Variants in ACR observed in about 807,000 individuals in gnomAD.
ACR encodes the protein acrosin light and heavy chain prepropeptide.
ACR carries 17 observed loss-of-function variants against 26.0 expected under a neutral mutation model. That is an observed-to-expected ratio of 0.65 (90% CI 0.45 to 0.98). ACR has a LOEUF of 0.98. Among genes scored for constraint, ACR ranks in the 50% least tolerant of loss-of-function variants. The pLI is 0.00. For synonymous variants in ACR, 199 were observed against 207.7 expected, an observed-to-expected ratio of 0.96 and a Z score of 0.36; for missense variants, 435 against 519.3, an observed-to-expected ratio of 0.84 and a Z score of 1.58.
intron 3 of ACR, among the ~76,000 whole-genome samples, chr22:50,743,212 T>C (rs542768239): frequency 5.8e-4 from 88 of 151,744 alleles, no homozygotes; most frequent in African/African-American, 2.1e-3. Flanking sequence ...ATTTTTTGTA[T>C]TTTTAGTAGA....
At chr22:50,740,084 C>A in intron 3 of ACR, 107 bp downstream of exon 3, 1 of 1,402,644 alleles carries the variant, frequency 7.1e-7, no homozygotes, top group Non-Finnish European at 9.9e-7. Context: ...CTTTCATCCT[C>A]CTCACGGCGC....
Position 50,738,317 on chromosome 22 carries a change from G to C in ACR, c.77+5G>C. ...TAAAGATAACGCCACGTGTGAGTAA[G>C]TGTCGGGGCACCTTGGTGGGGGAAG... On this transcript the variant is annotated splice_donor_5th_base_variant and intron_variant, in intron 1 of 4. Transcript: ENST00000216139. 3 of 1,613,730 alleles carry C rather than the reference G, an allele frequency of 1.9e-6. No individual in the cohort carries two copies. Among genetic ancestry groups the C allele is most frequent in the Non-Finnish European group, 2.5e-6 (3 of 1,179,850 alleles).
intron 3 of ACR, 94 bp downstream of exon 3, chr22:50,740,071 C>A: frequency 6.6e-7 from 1 of 1,517,778 alleles, no homozygotes; most frequent in Non-Finnish European, 9.1e-7. Flanking sequence ...CCCAGCCAGG[C>A]TGCTTTCATC....
Position 50,739,124 on chromosome 22 carries a change from A to C in ACR, c.78-147A>C, listed in dbSNP as rs2083412067. 3 of 683,438 alleles carry C rather than the reference A, an allele frequency of 4.4e-6. No homozygotes were observed. The highest frequency in any genetic ancestry group is 7.5e-6 in the Non-Finnish European group (3 of 399,442). The allele number at this position is 683,438 out of a possible 1,614,324, so 42.3% of individuals were successfully genotyped here. ...TTTCCTAGAGCCTGCGGCTTCCTACATAGCGCAGGCTGCCCCTGCTTTCCC... is the reference window on the plus strand; with the variant it reads ...TTTCCTAGAGCCTGCGGCTTCCTACCTAGCGCAGGCTGCCCCTGCTTTCCC... On this transcript the variant is annotated intron_variant, in intron 1 of 4. Coordinates refer to ENST00000216139, the MANE Select transcript of ACR (RefSeq NM_001097.3). This position sits in a 1 kb window ranked among gnomAD's most constrained non-coding sequence, Gnocchi z 5.5.
chr22:50,744,100 A>C lies in ACR; in HGVS notation c.605A>C (p.Asp202Ala), dbSNP rs1431653573. The C allele has an allele frequency of 1.2e-6, 2 of 1,613,666 alleles. No homozygotes were observed. Among genetic ancestry groups the C allele is most frequent in the Non-Finnish European group, 1.7e-6 (2 of 1,179,812 alleles). The change falls in exon 4 of 5, where the codon GAT becomes GCT. Residue 202 changes from aspartate (D) to alanine (A), a missense_variant. By Grantham distance (126) the Asp-to-Ala change is moderately radical. This residue lies in a region of ACR where 314 missense variants were observed against 372.0 expected (regional missense o/e 0.84). Transcript: ENST00000216139. ...TCTATACTGATGGAGGCACGTGTGG[A>C]TCTCATCGACCTGGACTTGTGTAAC... The part of the protein sequence containing the change: ...PSSILMEARV[D>A]LIDLDLCNST...
At chr22:50,741,389 C>G (rs2083424108) in intron 3 of ACR, among the ~76,000 whole-genome samples, 1 of 151,946 alleles carries the variant, frequency 6.6e-6, no homozygotes, top group Non-Finnish European at 1.5e-5. Context: ...TGGCCTCTGT[C>G]CAGCCCCCTA....
Position 50,745,294 on chromosome 22 carries a change from G to GAT in ACR, c.*91_*92dup, listed in dbSNP as rs1320560772. 2.7e-6 allele frequency: 3 copies of GAT among 1,112,186 alleles called. No individual in the cohort carries two copies. Among genetic ancestry groups the GAT allele is most frequent in the Non-Finnish European group, 3.7e-6 (3 of 810,256 alleles). 68.9% of individuals were successfully genotyped at this position (1,112,186 alleles called of 1,614,324 possible). A position where few individuals can be genotyped will look rare whatever the true frequency, so the allele number is the denominator to read the frequency against. On this transcript the variant is annotated 3_prime_UTR_variant, in exon 5 of 5. Coordinates refer to ENST00000216139, the MANE Select transcript of ACR (RefSeq NM_001097.3). ...ATAAATAAATAAACATATATATATA[G>GAT]ATATACACACACACATATCTGTATG...
Position 50,739,908 on chromosome 22 carries a change from T to G in ACR, c.496T>G (p.Phe166Val). The change falls in exon 3 of 5, where the codon TTT becomes GTT. Residue 166 changes from phenylalanine (F) to valine (V), a missense_variant. This residue lies in a region of ACR where 314 missense variants were observed against 372.0 expected (regional missense o/e 0.84). Coordinates refer to ENST00000216139, the MANE Select transcript of ACR (RefSeq NM_001097.3). The surrounding 1 kb of genome is among the most constrained non-coding windows in gnomAD (Gnocchi z 5.5). ...RFIGPGCLPH[F>V]KAGLPRGSQS... ...CATTGGGCCGGGCTGCCTGCCCCAC[T>G]TTAAGGCAGGCCTCCCCAGAGGCTC... 6.2e-7 allele frequency: 1 copy of G among 1,613,880 alleles called. No homozygotes were observed. Among genetic ancestry groups the G allele is most frequent in the Non-Finnish European group, 8.5e-7 (1 of 1,179,940 alleles).
rs756365879 is a variant in ACR, at chr22:50,739,847, C to T, written c.435C>T (p.Leu145=). ...NSATEGNDIA[L]VEITPPISCG... ...CGACAGAGGGAAATGACATTGCCCT[C>T]GTGGAGATCACCCCTCCCATTTCGT... is the stretch of plus-strand genomic sequence containing the variant. The change falls in exon 3 of 5, where the codon CTC becomes CTT. Residue 145 remains leucine (L), a synonymous_variant. Transcript: ENST00000216139. This position sits in a 1 kb window ranked among gnomAD's most constrained non-coding sequence, Gnocchi z 5.5. The T allele has an allele frequency of 5.0e-6, 8 of 1,611,978 alleles. No homozygotes were observed. Among genetic ancestry groups the T allele is most frequent in the Middle Eastern group, 1.6e-4 (1 of 6,068 alleles).
intron 3 of ACR, chr22:50,740,892 C>G (rs2083422224): frequency 6.8e-6 from 4 of 588,802 alleles, no homozygotes; most frequent in Non-Finnish European, 1.2e-5. Flanking sequence ...CCAGACACCT[C>G]TCCCTACATA....
rs781212788 is a variant in ACR, at chr22:50,739,977, G to C, written c.565G>C (p.Ala189Pro). Reference sequence around the variant, plus strand: ...CGGCTGGGGATATATAGAAGAGAAAGGTGAGTATGGGAGCGCCTCCAAGGG... The same window carrying C: ...CGGCTGGGGATATATAGAAGAGAAACGTGAGTATGGGAGCGCCTCCAAGGG... ...VAGWGYIEEK[A>P]PRPSSILMEA... Residue 189 changes from alanine (A) to proline (P), a missense_variant and splice_region_variant, in exon 3 of 5, where the codon GCC (alanine) becomes CCC (proline). Physicochemically the swap from Ala to Pro is conservative, Grantham distance 27 (BLOSUM62 -1). This residue lies in a region of ACR where 314 missense variants were observed against 372.0 expected (regional missense o/e 0.84). Transcript: ENST00000216139. The surrounding 1 kb of genome is among the most constrained non-coding windows in gnomAD (Gnocchi z 5.5). The C allele has an allele frequency of 6.2e-6, 10 of 1,613,342 alleles. No homozygotes were observed. Among genetic ancestry groups the C allele is most frequent in the Non-Finnish European group, 8.5e-6 (10 of 1,180,008 alleles).
In ACR at chr22:50,738,307, G is replaced by A. The variant is rs151269264; in HGVS notation, c.72G>A (p.Thr24=). ...CCGTGGTTGCTAAAGATAACGCCACGTGTGAGTAAGTGTCGGGGCACCTTG... is the reference window on the plus strand; with the variant it reads ...CCGTGGTTGCTAAAGATAACGCCACATGTGAGTAAGTGTCGGGGCACCTTG... The part of the protein sequence containing the change: ...AVSVVAKDNA[T]CDGPCGLRFR... Residue 24 remains threonine (T), a synonymous_variant, in exon 1 of 5, where the codon ACG becomes ACA. Transcript: ENST00000216139. The A allele has an allele frequency of 1.7e-5, 28 of 1,613,728 alleles. No homozygotes were observed. Among genetic ancestry groups the A allele is most frequent in the African/African-American group, 6.7e-5 (5 of 74,866 alleles).
Position 50,744,093 on chromosome 22 carries a change from C to A in ACR, c.598C>A (p.Arg200Ser), listed in dbSNP as rs376638753. The change falls in exon 4 of 5, where the codon CGT becomes AGT. Residue 200 changes from arginine (R) to serine (S), a missense_variant. Transcript: ENST00000216139. ...GCCATCATCTATACTGATGGAGGCACGTGTGGATCTCATCGACCTGGACTT... is the reference window on the plus strand; with the variant it reads ...GCCATCATCTATACTGATGGAGGCAAGTGTGGATCTCATCGACCTGGACTT... ...PRPSSILMEA[R>S]VDLIDLDLCN... 4 of 1,613,524 alleles carry A rather than the reference C, an allele frequency of 2.5e-6. No individual in the cohort carries two copies. The African/African-American group carries it at 4.0e-5, about 16-fold the overall frequency.
chr22:50,743,097 GCC>G lies in ACR; in HGVS notation c.566-963_566-962del, dbSNP rs1569124514. Among the ~76,000 whole-genome samples the G allele has an allele frequency of 9.2e-4, 139 of 151,630 alleles. 1 individual carries two copies. The highest frequency in any genetic ancestry group is 1.8e-3 in the Non-Finnish European group (121 of 67,722). ...GTGGCCCGGGCTGGAGTGCAGTGGC[GCC>G]ATCTCGGCTCACTGCAAGCTCCGCC... is the stretch of plus-strand genomic sequence containing the variant. On this transcript the variant is annotated intron_variant, in intron 3 of 4. Coordinates refer to ENST00000216139, the MANE Select transcript of ACR (RefSeq NM_001097.3).
rs780473655 is a variant in ACR, at chr22:50,744,934, C to T, written c.993C>T (p.Pro331=). Reference sequence around the variant, plus strand: ...ACCTTCCTTGGTATTTCCAACCGCCCCCTCGACCACTTCCACCCCGACCAC... The same window carrying T: ...ACCTTCCTTGGTATTTCCAACCGCCTCCTCGACCACTTCCACCCCGACCAC... The part of the protein sequence containing the change: ...SAHLPWYFQP[P]PRPLPPRPPA... The change falls in exon 5 of 5, where the codon CCC becomes CCT. Residue 331 remains proline, a synonymous_variant. Coordinates refer to ENST00000216139, the MANE Select transcript of ACR (RefSeq NM_001097.3). The T allele has an allele frequency of 2.6e-6, 4 of 1,545,182 alleles. No homozygotes were observed. The highest frequency in any genetic ancestry group is 1.2e-5 in the South Asian group (1 of 82,792).
intron 4 of ACR, 191 bp downstream of exon 4, chr22:50,744,397 C>T (rs1487793825): frequency 3.7e-5 from 24 of 640,148 alleles, no homozygotes; most frequent in Middle Eastern, 4.2e-4. Flanking sequence ...TGACAGCCAC[C>T]GGCTGCCCCT....
chr22:50,744,978 C>T lies in ACR; in HGVS notation c.1037C>T (p.Pro346Leu). The T allele has an allele frequency of 1.9e-6, 2 of 1,063,806 alleles. No homozygotes were observed. Among genetic ancestry groups the T allele is most frequent in the African/African-American group, 2.0e-5 (1 of 49,292 alleles). The allele number at this position is 1,063,806 out of a possible 1,614,324, so 65.9% of individuals were successfully genotyped here. The part of the protein sequence containing the change: ...PPRPPAAQPR[P>L]PPSPPPPPPP... ...CGACCACCGGCAGCCCAGCCCCGAC[C>T]CCCACCTTCACCCCCGCCCCCACCC... Residue 346 changes from proline (P) to leucine (L), a missense_variant, in exon 5 of 5, where the codon CCC (proline) becomes CTC (leucine). Physicochemically the swap from Pro to Leu is moderately conservative, Grantham distance 98. This residue lies in a region of ACR where 92 missense variants were observed against 87.8 expected (regional missense o/e 1.05). Transcript: ENST00000216139.
intron 3 of ACR, among the ~76,000 whole-genome samples, chr22:50,742,523 G>C (rs944120003): frequency 2.9e-5 from 4 of 138,642 alleles, no homozygotes; most frequent in African/African-American, 5.6e-5. Context: ...CAGCCTGGGC[G>C]ACAGAGCAAG....
At chr22:50,741,823 G>C (rs986069535) in intron 3 of ACR, among the ~76,000 whole-genome samples, 8 of 151,056 alleles carry the variant, frequency 5.3e-5, no homozygotes, top group African/African-American at 2.0e-4. Context: ...AGACTTTTAA[G>C]CATTTGTTAT....
Sources: allele counts gnomAD v4.1 joint callset (sites outside exome capture counted in the v4.1 genomes callset), GRCh38; gene constraint gnomAD v4.1.1; regional missense constraint gnomAD v4.1.1; non-coding constraint Gnocchi (gnomAD v3.1); transcripts MANE v1.5; gene names NCBI Gene and HGNC (gene_info 2026-07-23, HGNC 2026-07-21).